TSEN2: variants seen among roughly 807,000 people sequenced by gnomAD.
The protein encoded by TSEN2 is tRNA-splicing endonuclease subunit Sen2.
In TSEN2, 54 loss-of-function variants were observed where a neutral mutation model predicts 59.2. The observed-to-expected ratio is 0.91, with a 90% CI of 0.73 to 1.14. TSEN2 has a LOEUF of 1.14. Among genes scored for constraint, TSEN2 ranks in the 50% most tolerant of loss-of-function variants. The probability of loss-of-function intolerance (pLI) is 0.00; values close to 1 mark genes in which losing one functional copy is unlikely to be tolerated. For missense variants in TSEN2, 636 were observed against 576.2 expected (o/e 1.10, Z -1.06); for synonymous variants, 195 against 198.2 (o/e 0.98, Z 0.14).
chr3:12,496,893 C>T (rs1040591228), intron 4 of TSEN2, among the ~76,000 whole-genome samples: 1 of 152,180 alleles, frequency 6.6e-6, no homozygotes, highest in South Asian at 2.1e-4. Context: ...GGTCCTGTCC[C>T]CCTTCCTCCA....
intron 4 of TSEN2, among the ~76,000 whole-genome samples, chr3:12,502,688 T>TG (rs2054407331): frequency 6.9e-6 from 1 of 144,136 alleles, no homozygotes; most frequent in Non-Finnish European, 1.5e-5. Context: ...TTTTTTTTTT[T>TG]GTTTTTTTTT....
At chr3:12,515,368 C>G (rs1270579163) in intron 6 of TSEN2, among the ~76,000 whole-genome samples, 2 of 152,238 alleles carry the variant, frequency 1.3e-5, no homozygotes, top group Non-Finnish European at 2.9e-5. Flanking sequence ...TGTTTCTGCT[C>G]CCACACTGCA....
At chr3:12,516,954 A>G (rs2056186386) in intron 7 of TSEN2, among the ~76,000 whole-genome samples, 1 of 152,182 alleles carries the variant, frequency 6.6e-6, no homozygotes, top group Non-Finnish European at 1.5e-5. Context: ...AAATTAACAA[A>G]AATAAAAGTT....
chr3:12,521,828 G>A (rs1287937562), intron 8 of TSEN2, among the ~76,000 whole-genome samples: 7 of 152,076 alleles, frequency 4.6e-5, no homozygotes, highest in South Asian at 2.1e-4. Context: ...TGGCTAACAC[G>A]GTGAAACCCC....
chr3:12,531,515 C>A, intron 10 of TSEN2, 55 bp from the exon 11 acceptor site: 1 of 1,259,022 alleles, frequency 7.9e-7, no homozygotes, highest in South Asian at 1.2e-5. Context: ...CTGATGCACC[C>A]AAATTTGTAC....
chr3:12,498,123 GGGGTAT>G (rs2053937175), intron 4 of TSEN2, among the ~76,000 whole-genome samples: 2 of 150,330 alleles, frequency 1.3e-5, no homozygotes, highest in Admixed American at 1.3e-4. Flanking sequence ...ATGTATTTTC[GGGGTAT>G]GGGTACATGT....
intron 4 of TSEN2, among the ~76,000 whole-genome samples, chr3:12,502,728 T>C (rs374981812): frequency 2.0e-5 from 3 of 149,030 alleles, no homozygotes; most frequent in African/African-American, 7.4e-5. Flanking sequence ...AATGAAACTA[T>C]ATTGTAAAAG....
chr3:12,532,173 C>T (rs781335391), intron 11 of TSEN2, among the ~76,000 whole-genome samples: 8 of 152,270 alleles, frequency 5.3e-5, no homozygotes, highest in African/African-American at 1.4e-4. Context: ...TCTTTGTTGT[C>T]GTCCTGTCTT....
At chr3:12,504,209 T>C (rs964848229) in intron 5 of TSEN2, among the ~76,000 whole-genome samples, 5 of 152,070 alleles carry the variant, frequency 3.3e-5, no homozygotes, top group African/African-American at 1.2e-4. Flanking sequence ...TTAGAAACAA[T>C]CTAATTGCTA....
Position 12,520,097 on chromosome 3 carries a change from C to T in TSEN2, c.1099+900C>T, listed in dbSNP as rs1057032214. ...CACTGCAACCTCCACCCCATGGGTT[C>T]ACGCCGTTCTCCTGCCTCAGCCTCC... On this transcript the variant is annotated intron_variant, in intron 8 of 11. Transcript: ENST00000284995. 3.0e-4 allele frequency among the ~76,000 whole-genome samples: 45 copies of T among 151,746 alleles called. 1 individual carries two copies. Among genetic ancestry groups the T allele is most frequent in the East Asian group, 1.6e-3 (8 of 5,088 alleles).
intron 6 of TSEN2, among the ~76,000 whole-genome samples, chr3:12,516,047 G>T (rs1228268017): frequency 6.6e-6 from 1 of 151,960 alleles, no homozygotes; most frequent in African/African-American, 2.4e-5. Flanking sequence ...TATTTTTATT[G>T]ATTTAAGCCA....
At chr3:12,538,203 T>A (rs1184734325), downstream of TSEN2, among the ~76,000 whole-genome samples, 1 of 152,196 alleles carries the variant, frequency 6.6e-6, no homozygotes, top group South Asian at 2.1e-4. Context: ...TGTAGCAAGT[T>A]TTCTGAATAT....
At position 12,511,460 on chromosome 3, in the gene TSEN2, T is replaced by C. The variant is rs554185417; in HGVS notation, c.910-5151T>C. Among the ~76,000 whole-genome samples, 7 of 152,198 alleles carry C rather than the reference T, an allele frequency of 4.6e-5. No individual in the cohort carries two copies. In the South Asian group the frequency reaches 1.5e-3, roughly 32 times the overall value. On this transcript the variant is annotated intron_variant, in intron 6 of 11. Coordinates refer to ENST00000284995, the MANE Select transcript of TSEN2 (RefSeq NM_025265.4). ...GGTGTTGAGACAGCTGATTAGCCAT[T>C]TGGAAAAAGACAAAGCTAAAATCCC...
rs1239385548 is a variant in TSEN2, at chr3:12,489,967, A to C, written c.167A>C (p.Asp56Ala). Reference sequence around the variant, plus strand: ...AATGTGATTGTGAGGAATGCGGAGGACATTGAGCAGCTCTATGGGAAAGTA... The same window carrying C: ...AATGTGATTGTGAGGAATGCGGAGGCCATTGAGCAGCTCTATGGGAAAGTA... ...NNNVIVRNAEDIEQLYGKGYF... is the reference protein window; with the variant it reads ...NNNVIVRNAEAIEQLYGKGYF... Residue 56 changes from aspartate (D) to alanine (A), a missense_variant, in exon 2 of 12, where the codon GAC (aspartate) becomes GCC (alanine). Physicochemically the swap from Asp to Ala is moderately radical, Grantham distance 126. Transcript: ENST00000284995. The C allele has an allele frequency of 1.2e-6, 2 of 1,614,168 alleles. No homozygotes were observed. Among genetic ancestry groups the C allele is most frequent in the Admixed American group, 1.7e-5 (1 of 60,020 alleles).
At chr3:12,532,546 A>G (rs886192646) in intron 11 of TSEN2, 116 bp from the exon 12 acceptor site, 1 of 916,458 alleles carries the variant, frequency 1.1e-6, no homozygotes, top group Non-Finnish European at 1.8e-6. Flanking sequence ...AGGTGGGAAC[A>G]GTATCATCAT....
chr3:12,536,710 AGAG>A (rs1167522458), downstream of TSEN2, among the ~76,000 whole-genome samples: 2 of 152,070 alleles, frequency 1.3e-5, no homozygotes, highest in African/African-American at 4.8e-5. Flanking sequence ...CTTATTTATA[AGAG>A]GAGGGGGCCA....
intron 10 of TSEN2, chr3:12,530,465 A>G (rs2057390888): frequency 3.0e-6 from 3 of 985,418 alleles, no homozygotes; most frequent in African/African-American, 1.7e-5. Context: ...TCGTGTTGCC[A>G]TCAGAGATAG....
At chr3:12,539,609 A>T (rs1335856705) in exon 11 of TSEN2, 1 of 161,298 alleles carries the variant, frequency 6.2e-6, no homozygotes. Context: ...TGTGAATAAA[A>T]TGTGCTACCA....
rs76448491 is a variant in TSEN2 at position 12,528,769 on chromosome 3, A to G, written c.1100-119A>G. 1,651 of 990,062 alleles carry G rather than the reference A, an allele frequency of 1.7e-3. 5 individuals are homozygous for G. Among genetic ancestry groups the G allele is most frequent in the Non-Finnish European group, 2.3e-3 (1,452 of 637,320 alleles). The allele number at this position is 990,062 out of a possible 1,614,324, so 61.3% of individuals were successfully genotyped here. ...CAGATGATCTGTCTACATATAGATT[A>G]TTGAGTATTTGCTTCCTTTTGGAGA... is the stretch of plus-strand genomic sequence containing the variant. On this transcript the variant is annotated intron_variant, in intron 8 of 11. Transcript: ENST00000284995.
Sources: allele counts gnomAD v4.1 joint callset (sites outside exome capture counted in the v4.1 genomes callset), GRCh38; gene constraint gnomAD v4.1.1; transcripts MANE v1.5; gene names NCBI Gene and HGNC (gene_info 2026-07-23, HGNC 2026-07-21).